The following CRYBG1 variants were observed in gnomAD, a reference collection of about 807,000 sequenced individuals.
The protein encoded by CRYBG1 is beta/gamma crystallin domain-containing protein 1.
CRYBG1 carries 139 observed loss-of-function variants against 189.2 expected under a neutral mutation model. The ratio of observed to expected loss-of-function variants is 0.73; its 90% CI spans 0.64 to 0.85. CRYBG1 has a LOEUF of 0.85. CRYBG1 is among the 40% of genes least tolerant of loss of function. The pLI, the probability that CRYBG1 is intolerant of heterozygous loss-of-function variation, is 0.00. For synonymous variants in CRYBG1, 1,023 were observed against 1,017.1 expected (o/e 1.01, Z -0.11); for missense variants, 2,611 against 2,675.8 (o/e 0.98, Z 0.53).
At chr6:106,452,103 CATG>C (rs1032789938) in intron 2 of CRYBG1, among the ~76,000 whole-genome samples, 4 of 146,708 alleles carry the variant, frequency 2.7e-5, no homozygotes, top group African/African-American at 9.9e-5. Flanking sequence ...ATCAAAGCAC[CATG>C]ATAATAAAGA....
chr6:106,552,244 A>G lies in CRYBG1; in HGVS notation c.5472+28A>G, dbSNP rs765981932. On this transcript the variant is annotated intron_variant, in intron 15 of 21. Coordinates refer to ENST00000633556, the MANE Select transcript of CRYBG1 (RefSeq NM_001371242.2). ...AACTTTAAAAATATTCTTTTATATT[A>G]ATATATAAAGGGCCTTCCATTGAAA... 4.2e-6 allele frequency: 6 copies of G among 1,417,430 alleles called. No homozygotes were observed. The South Asian group carries it at 6.6e-5, about 16-fold the overall frequency. 87.8% of individuals were successfully genotyped at this position (1,417,430 alleles called of 1,614,324 possible). A position where few individuals can be genotyped will look rare whatever the true frequency, so the allele number is the denominator to read the frequency against.
At position 106,571,906 on chromosome 6, in the gene CRYBG1, A is replaced by T; in HGVS notation, c.*3340A>T. On this transcript the variant is annotated 3_prime_UTR_variant, in exon 22 of 22. Transcript: ENST00000633556. ...ATGGAATGTATAATCTAATCTGGAA[A>T]AATGTTTGAAAGGGATGGCTAGAAA... 1.3e-6 allele frequency: 1 copy of T among 788,570 alleles called. No individual in the cohort carries two copies. Among genetic ancestry groups the T allele is most frequent in the Non-Finnish European group, 2.2e-6 (1 of 461,192 alleles). The allele number at this position is 788,570 out of a possible 1,614,324, so 48.8% of individuals were successfully genotyped here.
At chr6:106,551,660 T>C (rs1774407372) in intron 13 of CRYBG1, among the ~76,000 whole-genome samples, 192 bp from the exon 14 acceptor site, 1 of 152,280 alleles carries the variant, frequency 6.6e-6, no homozygotes. Flanking sequence ...CCCTCTTCTC[T>C]GCTGGCTTAC....
chr6:106,362,735 G>C (rs1202158542), intron 1 of CRYBG1, among the ~76,000 whole-genome samples: 1 of 152,112 alleles, frequency 6.6e-6, no homozygotes, highest in Non-Finnish European at 1.5e-5. Context: ...CTATTCAAAC[G>C]TTTACTGTGC....
At chr6:106,384,462 G>A (rs1362267623) in intron 1 of CRYBG1, among the ~76,000 whole-genome samples, 4 of 152,062 alleles carry the variant, frequency 2.6e-5, no homozygotes, top group Non-Finnish European at 5.9e-5. Flanking sequence ...GAATCAGTGG[G>A]AGCCCTAAGC....
At chr6:106,438,613 A>T (rs985918430) in intron 1 of CRYBG1, among the ~76,000 whole-genome samples, 1 of 152,074 alleles carries the variant, frequency 6.6e-6, no homozygotes, top group African/African-American at 2.4e-5. Context: ...TCCATAATCC[A>T]TATGTGTTTG....
In CRYBG1 at chr6:106,525,086, A is replaced by T. The variant is rs775759381; in HGVS notation, c.4246-47A>T. 1.3e-5 allele frequency: 21 copies of T among 1,595,086 alleles called. No individual in the cohort carries two copies. In the Middle Eastern group the frequency reaches 5.2e-4, roughly 39 times the overall value. ...TCGTGGGTGGAAAAAGAGGATCGTT[A>T]TGTGAAGTTGTAATTATTTGTTGTG... On this transcript the variant is annotated intron_variant, in intron 4 of 21. Transcript: ENST00000633556.
intron 13 of CRYBG1, among the ~76,000 whole-genome samples, chr6:106,546,727 TA>T (rs1562114138): frequency 6.6e-6 from 1 of 152,228 alleles, no homozygotes; most frequent in East Asian, 1.9e-4. Context: ...ATCTGAAATA[TA>T]AGGTACAAGT....
chr6:106,411,281 C>A (rs1294672944), intron 1 of CRYBG1, among the ~76,000 whole-genome samples: 1 of 152,158 alleles, frequency 6.6e-6, no homozygotes, highest in African/African-American at 2.4e-5. Flanking sequence ...TATTGACCTA[C>A]TTTTGATTGG....
rs185591617 is a variant in CRYBG1, at chr6:106,482,585, C to T, written c.313-28845C>T. ...GGTCAGGAGATCGAGACCATCCTGG[C>T]TAACACCGTGAAACCCCGTCTCTAC... On this transcript the variant is annotated intron_variant, in intron 2 of 21. Transcript: ENST00000633556. Among the ~76,000 whole-genome samples, 238 of 152,154 alleles carry T rather than the reference C, an allele frequency of 1.6e-3. 1 individual carries two copies. The highest frequency in any genetic ancestry group is 5.4e-3 in the African/African-American group (226 of 41,508).
At chr6:106,434,807 T>A (rs1771425211) in intron 1 of CRYBG1, among the ~76,000 whole-genome samples, 1 of 152,238 alleles carries the variant, frequency 6.6e-6, no homozygotes, top group Admixed American at 6.5e-5. Flanking sequence ...TAAGCCCTGA[T>A]GTAAAAGAAA....
intron 2 of CRYBG1, among the ~76,000 whole-genome samples, chr6:106,459,132 G>C (rs1486336740): frequency 1.3e-5 from 2 of 152,176 alleles, no homozygotes; most frequent in Non-Finnish European, 2.9e-5. Flanking sequence ...TCCATTTGAA[G>C]GTATTATGGT....
At chr6:106,369,381 G>A (rs1291783978) in intron 1 of CRYBG1, among the ~76,000 whole-genome samples, 2 of 152,222 alleles carry the variant, frequency 1.3e-5, no homozygotes, top group Non-Finnish European at 2.9e-5. Flanking sequence ...GCTGCTGGTT[G>A]TGTTTATTGT....
intron 2 of CRYBG1, among the ~76,000 whole-genome samples, chr6:106,484,011 A>G (rs1772540150): frequency 6.6e-6 from 1 of 151,978 alleles, no homozygotes; most frequent in African/African-American, 2.4e-5. Context: ...ATCCATTTTG[A>G]GTTGATTTTT....
intron 7 of CRYBG1, 128 bp from the exon 8 acceptor site, chr6:106,530,048 T>C: frequency 1.2e-6 from 1 of 810,610 alleles, no homozygotes; most frequent in South Asian, 3.0e-5. Flanking sequence ...AAATGGCAGG[T>C]GCTCTGTGAA....
rs138466053 is a variant in CRYBG1, at chr6:106,371,137, C to T, written c.173+10056C>T. On this transcript the variant is annotated intron_variant, in intron 1 of 21. Coordinates refer to ENST00000633556, the MANE Select transcript of CRYBG1 (RefSeq NM_001371242.2). ...GTATGATATTGTACCTATGCAAGAA[C>T]TCCCTTTACAAGGCTTGAAGTAATG... Among the ~76,000 whole-genome samples the T allele has an allele frequency of 1.4e-4, 22 of 152,306 alleles. No homozygotes were observed. The East Asian group carries it at 4.0e-3, about 28-fold the overall frequency.
At chr6:106,500,337 A>G (rs36062265) in intron 2 of CRYBG1, among the ~76,000 whole-genome samples, 31,137 of 151,540 alleles carry the variant, frequency 0.21, 3,577 homozygotes, top group Admixed American at 0.31. Context: ...CACCTTTTTG[A>G]TCACAGCCAT....
chr6:106,534,709 A>G (rs1773960529), intron 8 of CRYBG1, among the ~76,000 whole-genome samples: 1 of 152,216 alleles, frequency 6.6e-6, no homozygotes, highest in Non-Finnish European at 1.5e-5. Flanking sequence ...CTTGCCTTTC[A>G]GATTCTGTTG....
chr6:106,515,435 G>A (rs973962941), intron 3 of CRYBG1, among the ~76,000 whole-genome samples: 1 of 152,202 alleles, frequency 6.6e-6, no homozygotes. Flanking sequence ...AAGGTAGCCT[G>A]TTGGCTAACC....
Sources: allele counts gnomAD v4.1 joint callset (sites outside exome capture counted in the v4.1 genomes callset), GRCh38; gene constraint gnomAD v4.1.1; transcripts MANE v1.5; gene names NCBI Gene and HGNC (gene_info 2026-07-23, HGNC 2026-07-21).